The following CCDC51 variants were observed in gnomAD, a reference collection of about 807,000 sequenced individuals.
The protein encoded by CCDC51 is coiled-coil domain containing 51.
In CCDC51, 25 loss-of-function variants were observed where a neutral mutation model predicts 24.8. The observed-to-expected ratio is 1.01, with a 90% CI of 0.73 to 1.41. The LOEUF (loss-of-function observed/expected upper bound fraction) is 1.41. Ranked by LOEUF, CCDC51 falls within the 40% of genes most tolerant of loss-of-function variation. The pLI is 0.00. For synonymous variants in CCDC51, 190 were observed against 204.3 expected (o/e 0.93, Z 0.60); for missense variants, 466 against 519.1 (o/e 0.90, Z 0.99).
chr3:48,439,632 C>A (rs2039489689), intron 1 of CCDC51, among the ~76,000 whole-genome samples: 1 of 151,646 alleles, frequency 6.6e-6, no homozygotes. Context: ...GACTCCATCT[C>A]GGGGGGAAAA....
At chr3:48,436,756 C>T (rs1043412554) in intron 1 of CCDC51, among the ~76,000 whole-genome samples, 4 of 152,210 alleles carry the variant, frequency 2.6e-5, no homozygotes, top group African/African-American at 4.8e-5. Context: ...CCTTCTCAGC[C>T]TCCTTTCCCA....
chr3:48,442,079 T>G (rs1300092754), upstream of CCDC51, among the ~76,000 whole-genome samples: 2 of 152,006 alleles, frequency 1.3e-5, no homozygotes, highest in Non-Finnish European at 2.9e-5. Flanking sequence ...TAAAATTAGC[T>G]GGGCGTGGTG....
chr3:48,440,414 AAGCCAC>A (rs1282921309), upstream of CCDC51: 1 of 1,612,332 alleles, frequency 6.2e-7, no homozygotes, highest in Admixed American at 1.7e-5. Context: ...TGGCAAGAAG[AAGCCAC>A]TGAAACAGCC....
upstream of CCDC51, among the ~76,000 whole-genome samples, chr3:48,444,708 TC>T (rs2039635102): frequency 6.6e-6 from 1 of 152,226 alleles, no homozygotes; most frequent in African/African-American, 2.4e-5. Context: ...ACGGAACAGT[TC>T]CTGTTGTCAA....
In CCDC51 at chr3:48,437,681, C is replaced by T. The variant is rs972222291; in HGVS notation, c.-9+2307G>A. 2.0e-5 allele frequency among the ~76,000 whole-genome samples: 3 copies of T among 152,076 alleles called. No homozygotes were observed. The highest frequency in any genetic ancestry group is 4.4e-5 in the Non-Finnish European group (3 of 68,022). ...AACTGCCCCTTCCTCAAGCCTCTAT[C>T]ATCTGTTCCTCATCTTCACTTCCAG... On this transcript the variant is annotated intron_variant, in intron 1 of 3. Transcript: ENST00000395694. This position sits in a 1 kb window ranked among gnomAD's most constrained non-coding sequence, Gnocchi z 4.2.
Position 48,433,701 on chromosome 3 carries a change from G to C in CCDC51, c.477+6C>G. On this transcript the variant is annotated splice_donor_region_variant and intron_variant, in intron 3 of 3. Coordinates refer to ENST00000395694, the MANE Select transcript of CCDC51 (RefSeq NM_001256964.2). The surrounding 1 kb of genome is among the most constrained non-coding windows in gnomAD (Gnocchi z 4.4). Reference sequence around the variant, plus strand: ...GTGCGAAAGGGCTGCCTCCTGAGGTGCCTACCTGCAGCATCCTGTGCTCGA... The same window carrying C: ...GTGCGAAAGGGCTGCCTCCTGAGGTCCCTACCTGCAGCATCCTGTGCTCGA... 1 of 1,612,062 alleles carries C rather than the reference G, an allele frequency of 6.2e-7. No individual in the cohort carries two copies. The highest frequency in any genetic ancestry group is 8.5e-7 in the Non-Finnish European group (1 of 1,178,780).
chr3:48,445,932 T>G, the CCDC51 span, among the ~76,000 whole-genome samples: 1 of 152,172 alleles, frequency 6.6e-6, no homozygotes, highest in Admixed American at 6.5e-5. Flanking sequence ...TTGTGAAGCT[T>G]TACCTCTGTT....
At chr3:48,439,933 C>A in intron 1 of CCDC51, 55 bp downstream of exon 1, 2 of 359,204 alleles carry the variant, frequency 5.6e-6, no homozygotes, top group South Asian at 1.5e-4. Flanking sequence ...TTCCTTGGTT[C>A]CAGGAAAGCG....
intron 2 of CCDC51, chr3:48,434,107 G>GA (rs2039279239): frequency 2.4e-6 from 2 of 820,562 alleles, no homozygotes; most frequent in Non-Finnish European, 3.4e-6. Context: ...ACATGCCCCT[G>GA]AAAAAACTTG....
At chr3:48,440,323 C>G (rs912016135), upstream of CCDC51, 1 of 1,611,312 alleles carries the variant, frequency 6.2e-7, no homozygotes, top group Admixed American at 1.7e-5. Context: ...GTAAGTGTTC[C>G]GGAACCGTGA....
chr3:48,439,215 TCTGTCTCACTCA>T (rs1332646474), intron 1 of CCDC51, among the ~76,000 whole-genome samples: 1 of 152,252 alleles, frequency 6.6e-6, no homozygotes, highest in African/African-American at 2.4e-5. Context: ...TTGGTTATAG[TCTGTCTCACTCA>T]CTAGAATTTC....
In CCDC51 at chr3:48,432,443, G is replaced by A. The variant is rs1001765642; in HGVS notation, c.1201C>T (p.Leu401=). The change falls in exon 4 of 4, where the codon CTG becomes TTG. Residue 401 remains leucine (L), a synonymous_variant. Transcript: ENST00000395694. The part of the protein sequence containing the change: ...LVTCVTFVAT[L]PVLYMLFKAS The stretch of plus-strand genomic sequence containing the variant: ...TTGAATAGCATGTAGAGCACAGGCA[G>A]TGTGGCCACAAATGTCACACAGGTG... 7 of 1,614,254 alleles carry A rather than the reference G, an allele frequency of 4.3e-6. No homozygotes were observed. The highest frequency in any genetic ancestry group is 5.1e-6 in the Non-Finnish European group (6 of 1,180,048).
At chr3:48,441,938 A>G (rs1003358798), upstream of CCDC51, among the ~76,000 whole-genome samples, 1 of 152,180 alleles carries the variant, frequency 6.6e-6, no homozygotes, top group Non-Finnish European at 1.5e-5. Context: ...ATTCCTTTTC[A>G]GAATGGTGTA....
intron 1 of CCDC51, among the ~76,000 whole-genome samples, chr3:48,436,979 C>T (rs1440817994): frequency 6.6e-6 from 1 of 152,206 alleles, no homozygotes; most frequent in Non-Finnish European, 1.5e-5. Flanking sequence ...TTTCACCTGG[C>T]GGTGGCCAAG....
Position 48,435,019 on chromosome 3 carries a change from CAG to C in CCDC51, c.108_109del (p.Cys37GlnfsTer13), listed in dbSNP as rs759522565. ...TCCGGGCTGGCTTGGGCCTGGGCTG[CAG>C]AGAGTCCTGGTCATGAAGAGGTCCC... On this transcript the variant is annotated frameshift_variant, in exon 2 of 4. Transcript: ENST00000395694. LOFTEE classifies it high-confidence loss of function. This position sits in a 1 kb window ranked among gnomAD's most constrained non-coding sequence, Gnocchi z 4.2. 4.6e-5 allele frequency: 75 copies of C among 1,614,072 alleles called. No homozygotes were observed. Among genetic ancestry groups the C allele is most frequent in the Non-Finnish European group, 5.8e-5 (69 of 1,180,022 alleles).
upstream of CCDC51, among the ~76,000 whole-genome samples, chr3:48,441,302 C>T (rs956467920): frequency 3.3e-5 from 5 of 152,092 alleles, no homozygotes; most frequent in African/African-American, 1.2e-4. Flanking sequence ...CCTCAGCCTC[C>T]CAAAGTGCTG....
chr3:48,442,452 CTT>C (rs904695197), upstream of CCDC51, among the ~76,000 whole-genome samples: 17 of 130,702 alleles, frequency 1.3e-4, no homozygotes, highest in Admixed American at 1.5e-4. Flanking sequence ...TAACCCTACA[CTT>C]TTTTTTTTTT....
At chr3:48,443,822 T>A (rs2039620500), upstream of CCDC51, 1 of 1,550,428 alleles carries the variant, frequency 6.4e-7, no homozygotes, top group Admixed American at 2.2e-5. Context: ...TATTTTTCCC[T>A]AATTGTGACT....
In CCDC51 at chr3:48,433,204, A is replaced by G. The variant is rs1473078914; in HGVS notation, c.478-38T>C. The G allele has an allele frequency of 6.3e-7, 1 of 1,591,122 alleles. No individual in the cohort carries two copies. The highest frequency in any genetic ancestry group is 8.6e-7 in the Non-Finnish European group (1 of 1,167,082). ...AGCCATGTTATTGGATTACATGGGCACAAGGTGGCCCTGCAGCTATAGCCA... is the reference window on the plus strand; with the variant it reads ...AGCCATGTTATTGGATTACATGGGCGCAAGGTGGCCCTGCAGCTATAGCCA... On this transcript the variant is annotated intron_variant, in intron 3 of 3. Coordinates refer to ENST00000395694, the MANE Select transcript of CCDC51 (RefSeq NM_001256964.2). This position sits in a 1 kb window ranked among gnomAD's most constrained non-coding sequence, Gnocchi z 4.4.
Sources: allele counts gnomAD v4.1 joint callset (sites outside exome capture counted in the v4.1 genomes callset), GRCh38; gene constraint gnomAD v4.1.1; non-coding constraint Gnocchi (gnomAD v3.1); transcripts MANE v1.5; gene names NCBI Gene and HGNC (gene_info 2026-07-23, HGNC 2026-07-21).